The following PHEX variants were observed in gnomAD, a reference collection of about 807,000 sequenced individuals.
PHEX encodes phosphate-regulating neutral endopeptidase PHEX.
PHEX carries 16 observed loss-of-function variants against 68.0 expected under a neutral mutation model. The observed-to-expected ratio is 0.24, with a 90% confidence interval of 0.16 to 0.36. The LOEUF is 0.36. PHEX is among the 10% of genes least tolerant of loss of function. PHEX has a pLI of 1.00. For synonymous variants in PHEX, 208 were observed against 205.1 expected, an observed-to-expected ratio of 1.01 and a Z score of -0.12; for missense variants, 480 against 575.5, an observed-to-expected ratio of 0.83 and a Z score of 1.70.
At chrX:22,041,858 A>G (rs1256450890) in intron 2 of PHEX, among the ~76,000 whole-genome samples, 1 of 111,878 alleles carries the variant, frequency 8.9e-6, no homozygotes, top group African/African-American at 3.2e-5. Flanking sequence ...ACTAAAACTT[A>G]CAGACTGACA....
chrX:22,093,518 T>C (rs1425794044), intron 6 of PHEX, among the ~76,000 whole-genome samples: 1 of 112,069 alleles, frequency 8.9e-6, no homozygotes, highest in Non-Finnish European at 1.9e-5. Context: ...TATTTCTTAG[T>C]GTGAAGGTGG....
chrX:22,246,772 G>A (rs1936403898), intron 21 of PHEX, among the ~76,000 whole-genome samples: 1 of 111,997 alleles, frequency 8.9e-6, no homozygotes, highest in Non-Finnish European at 1.9e-5. Flanking sequence ...ACAACAAGAG[G>A]TTATGAGGAT....
chrX:22,173,503 A>C (rs971699485), intron 13 of PHEX, among the ~76,000 whole-genome samples: 1 of 110,826 alleles, frequency 9.0e-6, no homozygotes, highest in African/African-American at 3.3e-5. Flanking sequence ...AGTATATATT[A>C]GGTTGGTGCA....
chrX:22,247,732 C>T (rs1189239346), intron 21 of PHEX, 119 bp from the exon 22 acceptor site: 5 of 559,270 alleles, frequency 8.9e-6, no homozygotes, highest in Non-Finnish European at 1.5e-5. Context: ...AGTTGTCTCC[C>T]TGTAAACAGA....
At chrX:22,206,862 A>T (rs985876059) in intron 15 of PHEX, among the ~76,000 whole-genome samples, 3 of 111,965 alleles carry the variant, frequency 2.7e-5, no homozygotes, top group Non-Finnish European at 5.6e-5. Flanking sequence ...GTACTAAAAA[A>T]AACTCTAATT....
rs1351638265 is a variant in PHEX at position 22,213,083 on chromosome X, T to G, written c.1700+125T>G. ...AAGAAGCCATGGAATCTGGCGTGGG[T>G]CGCCTGTACTCTTATCATTTTAGGT... On this transcript the variant is annotated intron_variant, in intron 16 of 21. Transcript: ENST00000379374. 4 of 566,083 alleles carry G rather than the reference T, an allele frequency of 7.1e-6. No homozygotes were observed. In the East Asian group the frequency reaches 1.3e-4, roughly 19 times the overall value. The allele number at this position is 566,083 out of a possible 1,213,427, so 46.7% of individuals were successfully genotyped here.
chrX:22,129,586 C>G (rs1370050201), intron 11 of PHEX, among the ~76,000 whole-genome samples: 1 of 111,445 alleles, frequency 9.0e-6, no homozygotes, highest in Admixed American at 9.6e-5. Context: ...CTTCTCTCCT[C>G]TCATAAGTCT....
intron 14 of PHEX, among the ~76,000 whole-genome samples, chrX:22,182,532 G>T (rs891560728): frequency 4.5e-5 from 5 of 111,079 alleles, no homozygotes; most frequent in African/African-American, 1.6e-4. Flanking sequence ...TTTCCTTGAT[G>T]TGATGTTAAA....
At chrX:22,209,941 A>T (rs1056797747) in intron 15 of PHEX, among the ~76,000 whole-genome samples, 39 of 100,234 alleles carry the variant, frequency 3.9e-4, no homozygotes, top group Non-Finnish European at 7.5e-4. Context: ...TTGAAATGGT[A>T]AAAAAAAAAA....
At chrX:22,219,990 T>G (rs760139363) in intron 17 of PHEX, among the ~76,000 whole-genome samples, 1 of 112,207 alleles carries the variant, frequency 8.9e-6, no homozygotes, top group Non-Finnish European at 1.9e-5. Context: ...CCCGATGACA[T>G]TTAAGCAAAA....
At chrX:22,234,190 ATGCCAGC>A (rs1450850378) in intron 20 of PHEX, among the ~76,000 whole-genome samples, 1 of 112,844 alleles carries the variant, frequency 8.9e-6, no homozygotes, top group Non-Finnish European at 1.9e-5. Context: ...CACCTGCCAG[ATGCCAGC>A]CAGAGCTCTC....
At position 22,033,033 on chromosome X, in the gene PHEX, G is replaced by T. The variant is rs1464335981; in HGVS notation, c.28G>T (p.Glu10Ter). The T allele has an allele frequency of 8.3e-7, 1 of 1,209,285 alleles. No individual in the cohort carries two copies. Residue 10 changes from glutamate (E) to a stop codon, truncating the protein, a stop_gained, in exon 1 of 22, where the codon GAG becomes TAG. Transcript: ENST00000379374. LOFTEE classifies it high-confidence loss of function. Reference sequence around the variant, plus strand: ...GGAAGCAGAAACAGGGAGCAGCGTGGAGACTGGAAAGAAGGCCAACAGAGG... The same window carrying T: ...GGAAGCAGAAACAGGGAGCAGCGTGTAGACTGGAAAGAAGGCCAACAGAGG... MEAETGSSV[E>*]TGKKANRGTR...
chrX:22,097,764 G>T (rs1930205352), intron 8 of PHEX: 1 of 694,023 alleles, frequency 1.4e-6, no homozygotes, highest in African/African-American at 2.4e-5. Context: ...GTTACTTTCT[G>T]TGTTTTTATT....
At chrX:22,216,498 TA>T (rs200442307) in intron 16 of PHEX, among the ~76,000 whole-genome samples, 21,875 of 83,109 alleles carry the variant, frequency 0.26, 2,253 homozygotes, top group African/African-American at 0.47. Context: ...TATGCTTATT[TA>T]TTTATTTATT....
At chrX:22,065,927 G>A (rs977199588) in intron 3 of PHEX, among the ~76,000 whole-genome samples, 1 of 111,745 alleles carries the variant, frequency 8.9e-6, no homozygotes, top group African/African-American at 3.3e-5. Flanking sequence ...CAGATTATGG[G>A]TCTCTCATTT....
Position 22,114,461 on chromosome X carries a change from A to G in PHEX, c.1177A>G (p.Ile393Val). The part of the protein sequence containing the change: ...QYRWLEFSRV[I>V]QGTTTLLPQW... ...CTGGATCAATTATCTCCCACAGGTA[A>G]TCCAGGGGACCACAACTTTGCTGCC... Residue 393 changes from isoleucine to valine, a missense_variant, in exon 11 of 22, where the codon ATC (isoleucine) becomes GTC (valine). Ile to Val is a conservative substitution (Grantham distance 29). Coordinates refer to ENST00000379374, the MANE Select transcript of PHEX (RefSeq NM_000444.6). The G allele has an allele frequency of 8.3e-7, 1 of 1,205,402 alleles. No homozygotes were observed.
intron 9 of PHEX, among the ~76,000 whole-genome samples, chrX:22,111,162 G>C (rs1930946093): frequency 8.9e-6 from 1 of 112,299 alleles, no homozygotes; most frequent in East Asian, 2.8e-4. Context: ...ACAATTTCCA[G>C]ACACGAAAGG....
At chrX:22,079,494 A>T (rs759643211) in intron 5 of PHEX, among the ~76,000 whole-genome samples, 2 of 111,518 alleles carry the variant, frequency 1.8e-5, no homozygotes, top group Non-Finnish European at 3.8e-5. Flanking sequence ...GTGCTTAGCT[A>T]GTGGAAAGGA....
intron 15 of PHEX, among the ~76,000 whole-genome samples, chrX:22,195,612 T>C (rs1281048584): frequency 9.1e-6 from 1 of 109,547 alleles, no homozygotes; most frequent in African/African-American, 3.3e-5. Context: ...AAAAAAGAGA[T>C]TTTATTATAA....
Sources: allele counts gnomAD v4.1 joint callset (sites outside exome capture counted in the v4.1 genomes callset), GRCh38; gene constraint gnomAD v4.1.1; transcripts MANE v1.5; gene names NCBI Gene and HGNC (gene_info 2026-07-23, HGNC 2026-07-21).